Variants in TEAD4 observed in about 807,000 individuals in gnomAD.
The protein encoded by TEAD4 is transcriptional enhancer factor TEF-3.
In TEAD4, 36 loss-of-function variants were observed where a neutral mutation model predicts 52.4. The observed-to-expected ratio is 0.69, with a 90% CI of 0.53 to 0.91. The LOEUF (loss-of-function observed/expected upper bound fraction) is 0.91, where lower values mean the gene tolerates loss of function less well. Among genes scored for constraint, TEAD4 ranks in the 40% least tolerant of loss-of-function variants. TEAD4 has a pLI of 0.00. For missense variants in TEAD4, 508 were observed against 583.9 expected (o/e 0.87, Z 1.34); for synonymous variants, 220 against 231.0 (o/e 0.95, Z 0.43).
chr12:2,991,768 A>G (rs1162028672), intron 2 of TEAD4, among the ~76,000 whole-genome samples: 1 of 152,162 alleles, frequency 6.6e-6, no homozygotes, highest in Non-Finnish European at 1.5e-5. Context: ...TTTATTCCCG[A>G]AAAAGCGACT....
chr12:3,017,546 C>CT lies in TEAD4; in HGVS notation c.483+21dup. 1 of 1,606,862 alleles carries CT rather than the reference C, an allele frequency of 6.2e-7. No homozygotes were observed. Among genetic ancestry groups the CT allele is most frequent in the African/African-American group, 1.3e-5 (1 of 74,680 alleles). ...TCAGGGGTAAGTGGGCTGCCGAGAG[C>CT]TGGAGGCCAGGCCAGCCCTCTCCTC... On this transcript the variant is annotated intron_variant, in intron 6 of 12. Transcript: ENST00000359864.
At chr12:3,004,827 G>GC (rs1431935823) in intron 3 of TEAD4, among the ~76,000 whole-genome samples, 3 of 152,198 alleles carry the variant, frequency 2.0e-5, no homozygotes, top group Non-Finnish European at 4.4e-5. Flanking sequence ...GATGCCAGCT[G>GC]GCCTGGAGGC....
At chr12:2,960,577 A>C (rs2098214476) in intron 2 of TEAD4, among the ~76,000 whole-genome samples, 1 of 152,060 alleles carries the variant, frequency 6.6e-6, no homozygotes, top group Admixed American at 6.6e-5. Context: ...AGTCTGTGTG[A>C]CACCTGACTG....
chr12:2,960,211 C>A, intron 2 of TEAD4, 171 bp downstream of exon 2: 1 of 848,436 alleles, frequency 1.2e-6, no homozygotes, highest in Non-Finnish European at 1.4e-6. Flanking sequence ...GGGGGGTGGA[C>A]ACTCGGGACT....
intron 10 of TEAD4, among the ~76,000 whole-genome samples, chr12:3,034,891 C>T (rs1486768984): frequency 1.3e-5 from 2 of 151,702 alleles, no homozygotes; most frequent in African/African-American, 4.8e-5. Flanking sequence ...GCCAGGAGTT[C>T]GTGACCAGCC....
At chr12:3,015,599 G>C (rs543112858) in intron 5 of TEAD4, among the ~76,000 whole-genome samples, 1 of 152,264 alleles carries the variant, frequency 6.6e-6, no homozygotes, top group Non-Finnish European at 1.5e-5. Context: ...TGTGGACCGC[G>C]TGGAGGCATC....
chr12:3,015,760 A>G (rs2098264046), intron 5 of TEAD4, among the ~76,000 whole-genome samples: 2 of 152,044 alleles, frequency 1.3e-5, no homozygotes, highest in African/African-American at 4.8e-5. Flanking sequence ...GGCTGAGGCC[A>G]TCCTCCTGCC....
chr12:2,964,323 T>C (rs1309900037), intron 2 of TEAD4, among the ~76,000 whole-genome samples: 1 of 152,164 alleles, frequency 6.6e-6, no homozygotes, highest in African/African-American at 2.4e-5. Flanking sequence ...GTGTTGTTGC[T>C]CCCTGGCTGG....
At position 2,994,998 on chromosome 12, in the gene TEAD4, G is replaced by A. The variant is rs920970076; in HGVS notation, c.226+6G>A. 1 of 1,612,710 alleles carries A rather than the reference G, an allele frequency of 6.2e-7. No homozygotes were observed. The highest frequency in any genetic ancestry group is 1.1e-5 in the South Asian group (1 of 90,968). On this transcript the variant is annotated splice_donor_region_variant and intron_variant, in intron 3 of 12. Transcript: ENST00000359864. This position sits in a 1 kb window ranked among gnomAD's most constrained non-coding sequence, Gnocchi z 4.7. ...GGACGAGGGCAAGATGTATGGTAAG[G>A]AGCCCGTCGGGTTCAGCCCTGTACC...
intron 10 of TEAD4, among the ~76,000 whole-genome samples, chr12:3,036,639 G>A (rs560643680): frequency 6.6e-6 from 1 of 152,332 alleles, no homozygotes; most frequent in South Asian, 2.1e-4. Context: ...AGACCGGGGT[G>A]TGGGTGGGAG....
intron 9 of TEAD4, 107 bp downstream of exon 9, chr12:3,020,880 C>A: frequency 7.9e-7 from 1 of 1,270,236 alleles, no homozygotes; most frequent in South Asian, 2.0e-5. Context: ...TTCAAGTTCC[C>A]TGTTCCTTTC....
In TEAD4 at chr12:3,020,615, C is replaced by A. The variant is rs2098268006; in HGVS notation, c.584-19C>A. On this transcript the variant is annotated intron_variant, in intron 8 of 12. Transcript: ENST00000359864. ...GGTGTCCGTGACCAGGTTCCATGTG[C>A]CTTTCTCACTTTGTGCAGGGTTTGA... 1.3e-6 allele frequency: 2 copies of A among 1,516,998 alleles called. No individual in the cohort carries two copies. The highest frequency in any genetic ancestry group is 1.8e-6 in the Non-Finnish European group (2 of 1,127,982). 94.0% of individuals were successfully genotyped at this position (1,516,998 alleles called of 1,614,324 possible).
At position 2,994,181 on chromosome 12, in the gene TEAD4, T is replaced by G. The variant is rs2098245342; in HGVS notation, c.-29-557T>G. 6.6e-6 allele frequency among the ~76,000 whole-genome samples: 1 copy of G among 152,176 alleles called. No homozygotes were observed. The highest frequency in any genetic ancestry group is 2.1e-4 in the South Asian group (1 of 4,824). On this transcript the variant is annotated intron_variant, in intron 2 of 12. Transcript: ENST00000359864. This position sits in a 1 kb window ranked among gnomAD's most constrained non-coding sequence, Gnocchi z 4.7. ...CCTCTGCTTCTCGGATTCAAGCGAT[T>G]CTCCTTGTCTGAGCCTCCCGAGTAG...
chr12:3,029,646 G>A (rs984444574), intron 10 of TEAD4, among the ~76,000 whole-genome samples: 1 of 152,118 alleles, frequency 6.6e-6, no homozygotes, highest in Non-Finnish European at 1.5e-5. Context: ...CTTCCAAAGT[G>A]CTGGGATTAC....
chr12:2,977,579 A>T (rs557064514), intron 2 of TEAD4, among the ~76,000 whole-genome samples: 1 of 152,214 alleles, frequency 6.6e-6, no homozygotes. Flanking sequence ...CTCAATCCTC[A>T]GTGGCTCTGC....
intron 2 of TEAD4, among the ~76,000 whole-genome samples, chr12:2,977,455 C>T (rs534511325): frequency 6.6e-6 from 1 of 152,354 alleles, no homozygotes; most frequent in Admixed American, 6.5e-5. Flanking sequence ...CCCCCTCTCA[C>T]CTGCTCCCCG....
intron 2 of TEAD4, among the ~76,000 whole-genome samples, chr12:2,970,833 G>C (rs746674328): frequency 1.3e-5 from 2 of 152,184 alleles, no homozygotes; most frequent in Non-Finnish European, 2.9e-5. Context: ...AAGCATCCTC[G>C]GAAATGCTCC....
intron 2 of TEAD4, among the ~76,000 whole-genome samples, chr12:2,977,427 A>G (rs1349634850): frequency 6.6e-6 from 1 of 152,032 alleles, no homozygotes; most frequent in African/African-American, 2.4e-5. Context: ...TTAGCCTGGG[A>G]AGGATTGTGG....
At chr12:2,977,443 C>G (rs1265096282) in intron 2 of TEAD4, among the ~76,000 whole-genome samples, 1 of 151,902 alleles carries the variant, frequency 6.6e-6, no homozygotes. Context: ...TGTGGGGCCT[C>G]CCCCCCTCTC....
Sources: gnomAD v4.1 joint callset for allele counts (sites outside exome capture counted in the v4.1 genomes callset) on GRCh38, gnomAD v4.1.1 for gene constraint, Gnocchi (gnomAD v3.1) non-coding constraint, MANE v1.5 for transcripts, NCBI Gene and HGNC (gene_info 2026-07-23, HGNC 2026-07-21) for gene names.